Variants in NRP2 observed in about 807,000 individuals in gnomAD.
The protein encoded by NRP2 is neuropilin 2.
In NRP2, 52 loss-of-function variants were observed where a neutral mutation model predicts 110.4. The ratio of observed to expected loss-of-function variants is 0.47; its 90% CI spans 0.38 to 0.59. The LOEUF is 0.59. Among genes scored for constraint, NRP2 ranks in the 20% least tolerant of loss-of-function variants. NRP2 has a pLI of 0.00. For missense variants in NRP2, 1,049 were observed against 1,203.0 expected (o/e 0.87, Z 1.89); for synonymous variants, 508 against 468.9 (o/e 1.08, Z -1.08).
intron 12 of NRP2, among the ~76,000 whole-genome samples, chr2:205,758,660 G>T (rs1480730711): frequency 1.3e-5 from 2 of 152,204 alleles, no homozygotes; most frequent in Non-Finnish European, 1.5e-5. Context: ...AGGACCCAGC[G>T]AAATGCCTCC....
chr2:205,776,472 G>C (rs768540716), intron 15 of NRP2: 79 of 1,611,620 alleles, frequency 4.9e-5, no homozygotes, highest in Non-Finnish European at 6.6e-5. Flanking sequence ...CCCCTCTGGC[G>C]GTGGAGCCCA....
chr2:205,787,557 T>C (rs1226645004), intron 15 of NRP2, among the ~76,000 whole-genome samples: 2 of 152,196 alleles, frequency 1.3e-5, no homozygotes, highest in African/African-American at 2.4e-5. Flanking sequence ...TCGAGGCCAA[T>C]ATACTCATAC....
intron 1 of NRP2, among the ~76,000 whole-genome samples, chr2:205,684,735 G>T (rs575640443): frequency 4.8e-4 from 73 of 152,208 alleles, no homozygotes; most frequent in Non-Finnish European, 8.1e-4. Flanking sequence ...GTCCCACTTG[G>T]GGAGATTTTC....
In NRP2 at chr2:205,792,222, CT is replaced by C; in HGVS notation, c.2426-10del. ...CTTGTTATTAACTTGTTTTTATTTT[CT>C]TTATATTATAGTGGACATCCCAGAA... On this transcript the variant is annotated splice_polypyrimidine_tract_variant and intron_variant, in intron 15 of 16. Coordinates refer to ENST00000357785, the MANE Select transcript of NRP2 (RefSeq NM_003872.3). 6.4e-7 allele frequency: 1 copy of C among 1,557,038 alleles called. No individual in the cohort carries two copies. Among genetic ancestry groups the C allele is most frequent in the Non-Finnish European group, 8.9e-7 (1 of 1,128,272 alleles).
chr2:205,780,136 C>T (rs566342314), intron 15 of NRP2, among the ~76,000 whole-genome samples: 8 of 152,326 alleles, frequency 5.3e-5, no homozygotes, highest in African/African-American at 1.9e-4. Context: ...GCAGCAGTGA[C>T]ATCTTACCCC....
At chr2:205,713,528 A>G (rs1423783491) in intron 2 of NRP2, among the ~76,000 whole-genome samples, 1 of 152,200 alleles carries the variant, frequency 6.6e-6, no homozygotes, top group African/African-American at 2.4e-5. Flanking sequence ...GTCTGTCGCC[A>G]TTGTTCATAT....
intron 1 of NRP2, among the ~76,000 whole-genome samples, chr2:205,696,151 C>T (rs546555639): frequency 3.3e-5 from 5 of 152,180 alleles, no homozygotes; most frequent in East Asian, 3.8e-4. Context: ...CCCAACCACC[C>T]GTGTGCAGCG....
chr2:205,697,312 C>CTGTGTGTGTGTGTGTGTGTATG (rs2056451354), intron 1 of NRP2, among the ~76,000 whole-genome samples: 1 of 137,862 alleles, frequency 7.3e-6, no homozygotes, highest in Admixed American at 7.1e-5. Flanking sequence ...ATACTTTCAT[C>CTGTGTGTGTGTGTGTGTGTATG]TGTGTGTGTG....
At chr2:205,710,334 G>T (rs1053632397) in intron 2 of NRP2, among the ~76,000 whole-genome samples, 4 of 152,170 alleles carry the variant, frequency 2.6e-5, no homozygotes, top group African/African-American at 9.7e-5. Context: ...TCACTTAACT[G>T]CTCTGAGCCT....
Position 205,697,551 on chromosome 2 carries a change from G to T in NRP2, c.81G>T (p.Pro27=), listed in dbSNP as rs766763562. 6 of 1,613,878 alleles carry T rather than the reference G, an allele frequency of 3.7e-6. No individual in the cohort carries two copies. The highest frequency in any genetic ancestry group is 4.2e-6 in the Non-Finnish European group (5 of 1,179,900). Residue 27 remains proline (P), a synonymous_variant, in exon 2 of 17, where the codon CCG becomes CCT. Coordinates refer to ENST00000357785, the MANE Select transcript of NRP2 (RefSeq NM_003872.3). ...CGTTGATTTCTCTTTCAGACCCACC[G>T]TGCGGAGGTCGTTTGAATTCCAAAG... is the stretch of plus-strand genomic sequence containing the variant. ...RHQVRGQPDP[P]CGGRLNSKDA...
At chr2:205,734,399 G>GCCCCCCCCCC (rs201261642) in intron 7 of NRP2, among the ~76,000 whole-genome samples, 1 of 90,482 alleles carries the variant, frequency 1.1e-5, no homozygotes, top group Non-Finnish European at 2.3e-5. Flanking sequence ...ATTTCCCACC[G>GCCCCCCCCCC]CCCCCCCCCA....
intron 15 of NRP2, among the ~76,000 whole-genome samples, chr2:205,780,447 AT>A: frequency 2.6e-5 from 4 of 152,272 alleles, no homozygotes; most frequent in Admixed American, 2.6e-4. Flanking sequence ...TGACCCAGTT[AT>A]ATAAAATATT....
rs771983538 is a variant in NRP2, at chr2:205,683,405, C to A, written c.73+42C>A. On this transcript the variant is annotated intron_variant, in intron 1 of 16. Coordinates refer to ENST00000357785, the MANE Select transcript of NRP2 (RefSeq NM_003872.3). ...TTTTCTATTTATTGCAACATGGTTT[C>A]CCCTTTAAAAGTGACCGCTAAAGCA... 2.0e-6 allele frequency: 3 copies of A among 1,470,740 alleles called. No homozygotes were observed. The African/African-American group carries it at 4.2e-5, about 20-fold the overall frequency. The allele number at this position is 1,470,740 out of a possible 1,614,324, so 91.1% of individuals were successfully genotyped here. A position where few individuals can be genotyped will look rare whatever the true frequency, so the allele number is the denominator to read the frequency against.
chr2:205,697,657 G>A lies in NRP2; in HGVS notation c.187G>A (p.Glu63Lys), dbSNP rs764826189. ...QNCEWIVYAPEPNQKIVLNFN... is the reference protein window; with the variant it reads ...QNCEWIVYAPKPNQKIVLNFN... Reference sequence around the variant, plus strand: ...CTGCGAGTGGATTGTTTACGCCCCCGAACCCAACCAGAAGATTGTCCTCAA... The same window carrying A: ...CTGCGAGTGGATTGTTTACGCCCCCAAACCCAACCAGAAGATTGTCCTCAA... The change falls in exon 2 of 17, where the codon GAA (glutamate) becomes AAA (lysine). Residue 63 changes from glutamate (E) to lysine (K), a missense_variant. By Grantham distance (56) the Glu-to-Lys change is moderately conservative (BLOSUM62 1). Transcript: ENST00000357785. 1.3e-5 allele frequency: 21 copies of A among 1,613,634 alleles called. 1 individual carries two copies. The South Asian group carries it at 1.5e-4, about 12-fold the overall frequency.
At chr2:205,718,603 G>A (rs115118995) in intron 3 of NRP2, among the ~76,000 whole-genome samples, 1,718 of 152,288 alleles carry the variant, frequency 0.011, 28 homozygotes, top group African/African-American at 0.031. Context: ...CGTACCTGCC[G>A]TCATACCCAC....
chr2:205,791,028 A>G (rs544306570), intron 15 of NRP2, among the ~76,000 whole-genome samples: 6 of 152,342 alleles, frequency 3.9e-5, no homozygotes, highest in African/African-American at 1.4e-4. Flanking sequence ...GACTTCTAAC[A>G]TGATTGAAAC....
At chr2:205,780,461 T>C (rs2058161468) in intron 15 of NRP2, among the ~76,000 whole-genome samples, 1 of 152,164 alleles carries the variant, frequency 6.6e-6, no homozygotes, top group African/African-American at 2.4e-5. Context: ...AAAATATTTC[T>C]ATCAGAAGGG....
chr2:205,793,112 G>A (rs1312852366), intron 16 of NRP2, among the ~76,000 whole-genome samples: 1 of 152,170 alleles, frequency 6.6e-6, no homozygotes, highest in Non-Finnish European at 1.5e-5. Flanking sequence ...CTTGTTAACT[G>A]ACTGCAGACT....
intron 2 of NRP2, among the ~76,000 whole-genome samples, chr2:205,702,933 C>T (rs1194395016): frequency 6.6e-6 from 1 of 152,204 alleles, no homozygotes; most frequent in Non-Finnish European, 1.5e-5. Flanking sequence ...ATCACCCTTT[C>T]CTCTGAACTC....
Sources: allele counts gnomAD v4.1 joint callset (sites outside exome capture counted in the v4.1 genomes callset), GRCh38; gene constraint gnomAD v4.1.1; transcripts MANE v1.5; gene names NCBI Gene and HGNC (gene_info 2026-07-23, HGNC 2026-07-21).